CSMD1: variants seen among roughly 807,000 people sequenced by gnomAD.
The protein encoded by CSMD1 is CUB and sushi domain-containing protein 1.
In CSMD1, 213 loss-of-function variants were observed where a neutral mutation model predicts 417.5. That is an observed-to-expected ratio of 0.51 (90% CI 0.46 to 0.57). The LOEUF (loss-of-function observed/expected upper bound fraction) is 0.57. Ranked by LOEUF, CSMD1 falls within the 20% of genes least tolerant of loss-of-function variation. The pLI, the probability that CSMD1 is intolerant of heterozygous loss-of-function variation, is 0.00. For missense variants in CSMD1, 6,923 were observed against 4,529.7 expected, an observed-to-expected ratio of 1.53 and a Z score of -15.17; for synonymous variants, 2,862 against 1,736.8, an observed-to-expected ratio of 1.65 and a Z score of -16.11.
chr8:3,353,931 G>C (rs1207808472), intron 21 of CSMD1, among the ~76,000 whole-genome samples: 6 of 152,098 alleles, frequency 3.9e-5, no homozygotes, highest in African/African-American at 1.4e-4. Flanking sequence ...TCTGTACAAA[G>C]GAATCTACCT....
chr8:3,735,255 C>T (rs573769387), intron 6 of CSMD1, among the ~76,000 whole-genome samples: 5 of 152,132 alleles, frequency 3.3e-5, no homozygotes, highest in African/African-American at 9.7e-5. Flanking sequence ...AGTGATATTA[C>T]TCAACACAGA....
At chr8:3,413,408 G>A (rs1418441232) in intron 12 of CSMD1, among the ~76,000 whole-genome samples, 1 of 152,184 alleles carries the variant, frequency 6.6e-6, no homozygotes, top group African/African-American at 2.4e-5. Context: ...AGAGGCTGAT[G>A]TTTGTTTATC....
At chr8:3,770,384 C>G (rs948054193) in intron 5 of CSMD1, among the ~76,000 whole-genome samples, 1 of 152,124 alleles carries the variant, frequency 6.6e-6, no homozygotes, top group Non-Finnish European at 1.5e-5. Context: ...CAAAAATTAG[C>G]CAGGCACGGT....
chr8:3,879,836 C>CGTGTGCGT (rs971358245), intron 5 of CSMD1, among the ~76,000 whole-genome samples: 7 of 150,530 alleles, frequency 4.7e-5, no homozygotes, highest in Admixed American at 6.6e-5. Context: ...TGTGCGTGTG[C>CGTGTGCGT]GTGTGTGTGT....
intron 3 of CSMD1, among the ~76,000 whole-genome samples, chr8:4,253,127 T>C (rs956572932): frequency 5.9e-5 from 9 of 152,232 alleles, no homozygotes; most frequent in East Asian, 1.9e-4. Flanking sequence ...TGGATGGATA[T>C]TGAATGAGTA....
At chr8:3,939,502 A>G (rs984975177) in intron 5 of CSMD1, among the ~76,000 whole-genome samples, 4 of 152,202 alleles carry the variant, frequency 2.6e-5, no homozygotes, top group South Asian at 2.1e-4. Flanking sequence ...CAGCAATCCC[A>G]GTAGATTCAT....
At chr8:3,626,472 A>G (rs900226) in intron 7 of CSMD1, among the ~76,000 whole-genome samples, 125,438 of 152,112 alleles carry the variant, frequency 0.82, 52,227 homozygotes, top group East Asian at 0.97. Flanking sequence ...AAAAAGTCTT[A>G]AAGTCGTTAT....
intron 2 of CSMD1, among the ~76,000 whole-genome samples, chr8:4,453,036 A>G (rs1563190988): frequency 6.6e-6 from 1 of 152,110 alleles, no homozygotes; most frequent in Non-Finnish European, 1.5e-5. Context: ...GACAACTTAG[A>G]TTTTCAAGCA....
At chr8:4,191,602 C>A (rs1482032909) in intron 3 of CSMD1, among the ~76,000 whole-genome samples, 1 of 152,010 alleles carries the variant, frequency 6.6e-6, no homozygotes, top group Non-Finnish European at 1.5e-5. Context: ...GCTGTTTAAG[C>A]TTTCTATGTT....
intron 12 of CSMD1, among the ~76,000 whole-genome samples, chr8:3,421,101 C>T (rs1046012271): frequency 2.6e-5 from 4 of 152,150 alleles, no homozygotes; most frequent in Non-Finnish European, 5.9e-5. Flanking sequence ...ATTCTATGCT[C>T]ATTTTCAGTA....
intron 1 of CSMD1, among the ~76,000 whole-genome samples, chr8:4,850,107 G>A (rs1446613694): frequency 1.3e-5 from 2 of 152,098 alleles, no homozygotes; most frequent in Non-Finnish European, 2.9e-5. Flanking sequence ...GGTGGTTTTG[G>A]ATTGCATTCC....
At chr8:3,694,448 C>T (rs1800436870) in intron 7 of CSMD1, among the ~76,000 whole-genome samples, 1 of 152,174 alleles carries the variant, frequency 6.6e-6, no homozygotes. Flanking sequence ...CAGCTGCATA[C>T]ATGAGTCTGG....
At chr8:4,230,076 C>G (rs184226072) in intron 3 of CSMD1, among the ~76,000 whole-genome samples, 27 of 152,278 alleles carry the variant, frequency 1.8e-4, no homozygotes, top group African/African-American at 6.3e-4. Flanking sequence ...GGTGTGTATA[C>G]AAGCTTATTA....
At chr8:3,049,849 G>A (rs1811701212) in intron 50 of CSMD1, among the ~76,000 whole-genome samples, 2 of 152,088 alleles carry the variant, frequency 1.3e-5, no homozygotes, top group South Asian at 2.1e-4. Context: ...TAGTGGGGAG[G>A]TATGCACATG....
At chr8:3,549,269 C>A (rs559361706) in intron 10 of CSMD1, among the ~76,000 whole-genome samples, 1 of 152,242 alleles carries the variant, frequency 6.6e-6, no homozygotes, top group East Asian at 1.9e-4. Flanking sequence ...GCGAAGTGTG[C>A]CAGTGACTGT....
intron 3 of CSMD1, among the ~76,000 whole-genome samples, chr8:4,375,835 C>G (rs1360765933): frequency 1.3e-5 from 2 of 152,074 alleles, no homozygotes; most frequent in African/African-American, 4.8e-5. Flanking sequence ...TAAGCCAAAA[C>G]AGACTTCACA....
chr8:3,374,632 T>A (rs80226679), intron 18 of CSMD1, among the ~76,000 whole-genome samples: 2,158 of 151,878 alleles, frequency 0.014, 51 homozygotes, highest in African/African-American at 0.049. Context: ...GGATGGTGAG[T>A]ATGGAGTAAG....
chr8:3,034,315 G>T (rs1232309408), intron 50 of CSMD1, among the ~76,000 whole-genome samples: 3 of 152,102 alleles, frequency 2.0e-5, no homozygotes, highest in Non-Finnish European at 4.4e-5. Flanking sequence ...TATTACTAAT[G>T]GTCAGAGAAA....
chr8:4,162,970 A>G (rs1248562594), intron 3 of CSMD1, among the ~76,000 whole-genome samples: 1 of 152,162 alleles, frequency 6.6e-6, no homozygotes, highest in East Asian at 1.9e-4. Context: ...AAAATGCCCT[A>G]GAGTAGGAAT....
Sources: allele counts gnomAD v4.1 joint callset (sites outside exome capture counted in the v4.1 genomes callset), GRCh38; gene constraint gnomAD v4.1.1; transcripts MANE v1.5; gene names NCBI Gene and HGNC (gene_info 2026-07-23, HGNC 2026-07-21).